The following APBA2 variants were observed in gnomAD, a reference collection of about 807,000 sequenced individuals.
APBA2 encodes the protein amyloid beta precursor protein binding family A member 2.
A neutral mutation model predicts 75.0 loss-of-function variants in APBA2; 30 were observed. The ratio of observed to expected loss-of-function variants is 0.40; its 90% CI spans 0.30 to 0.54. APBA2 has a LOEUF of 0.54. Ranked by LOEUF, APBA2 falls within the 20% of genes least tolerant of loss-of-function variation. The pLI, the probability that APBA2 is intolerant of heterozygous loss-of-function variation, is 0.49. For missense variants in APBA2, 801 were observed against 1,016.1 expected (o/e 0.79, Z 2.88); for synonymous variants, 444 against 409.6 (o/e 1.08, Z -1.01).
intron 2 of APBA2, among the ~76,000 whole-genome samples, chr15:28,935,239 C>T (rs560327946): frequency 1.0e-3 from 159 of 152,310 alleles, no homozygotes; most frequent in Non-Finnish European, 1.9e-3. Flanking sequence ...CCCTTGGGGC[C>T]CCTTCCATCC....
intron 3 of APBA2, among the ~76,000 whole-genome samples, chr15:29,026,290 C>T (rs541793703): frequency 6.6e-6 from 1 of 152,336 alleles, no homozygotes; most frequent in South Asian, 2.1e-4. Flanking sequence ...ATCTGCCATA[C>T]AGGGTCCTTC....
intron 4 of APBA2, among the ~76,000 whole-genome samples, chr15:29,063,666 G>T (rs1456776126): frequency 7.2e-6 from 1 of 139,384 alleles, no homozygotes; most frequent in Non-Finnish European, 1.5e-5. Flanking sequence ...AGTTGATCTG[G>T]GTCAGTGTCT....
In APBA2 at chr15:29,110,319, G is replaced by A. The variant is rs537032111; in HGVS notation, c.2037+1930G>A. Among the ~76,000 whole-genome samples the A allele has an allele frequency of 3.4e-3, 511 of 152,272 alleles. 1 individual carries two copies. The highest frequency in any genetic ancestry group is 0.01 in the Middle Eastern group (3 of 294). On this transcript the variant is annotated intron_variant, in intron 13 of 14. Coordinates refer to ENST00000683413, the MANE Select transcript of APBA2 (RefSeq NM_001353788.2). ...TGGGGTGCTGTATGGTGTCCCCTGG[G>A]CTGCCCCTGCCTGGCTAAACCTGGT...
chr15:28,954,322 T>C lies in APBA2; in HGVS notation c.-95+32573T>C, dbSNP rs376093068. 2.6e-5 allele frequency among the ~76,000 whole-genome samples: 4 copies of C among 152,240 alleles called. No individual in the cohort carries two copies. In the East Asian group the frequency reaches 5.8e-4, roughly 22 times the overall value. ...ATACAAACTTAAATGAGAATGCTCCTCCGACCAGAGCTCTCCGTTCCCTGG... is the reference window on the plus strand; with the variant it reads ...ATACAAACTTAAATGAGAATGCTCCCCCGACCAGAGCTCTCCGTTCCCTGG... On this transcript the variant is annotated intron_variant, in intron 2 of 14. Coordinates refer to ENST00000683413, the MANE Select transcript of APBA2 (RefSeq NM_001353788.2).
At chr15:29,066,340 T>C (rs1222423482) in intron 4 of APBA2, among the ~76,000 whole-genome samples, 1 of 151,966 alleles carries the variant, frequency 6.6e-6, no homozygotes, top group African/African-American at 2.4e-5. Context: ...AGCGAGAAAG[T>C]ACAAAAGAAA....
chr15:29,074,514 A>G lies in APBA2; in HGVS notation c.952-407A>G, dbSNP rs75779575. Among the ~76,000 whole-genome samples, 667 of 152,308 alleles carry G rather than the reference A, an allele frequency of 4.4e-3. 6 individuals carry two copies. Among genetic ancestry groups the G allele is most frequent in the African/African-American group, 0.015 (620 of 41,576 alleles). The stretch of plus-strand genomic sequence containing the variant: ...GCTCAGGTTGGGGTTGGGGTTGGGC[A>G]TATTGAGGAGTTTGTTTAATGGGTA... On this transcript the variant is annotated intron_variant, in intron 4 of 14. Transcript: ENST00000683413.
intron 2 of APBA2, among the ~76,000 whole-genome samples, chr15:28,989,927 C>T (rs1270251930): frequency 6.6e-6 from 1 of 152,172 alleles, no homozygotes; most frequent in African/African-American, 2.4e-5. Context: ...ACACTGTTCC[C>T]TGATTTCTCA....
At chr15:28,903,328 G>A (rs555624350) in intron 1 of APBA2, among the ~76,000 whole-genome samples, 3 of 152,320 alleles carry the variant, frequency 2.0e-5, no homozygotes, top group South Asian at 2.1e-4. Flanking sequence ...GCGGTTGACC[G>A]TCCAGTGAGG....
At chr15:28,953,154 G>A (rs532816745) in intron 2 of APBA2, among the ~76,000 whole-genome samples, 4 of 152,234 alleles carry the variant, frequency 2.6e-5, no homozygotes, top group Non-Finnish European at 5.9e-5. Flanking sequence ...GGCTGGTTGA[G>A]ACTCCCACCC....
At chr15:28,905,550 T>C (rs1309951222) in intron 1 of APBA2, among the ~76,000 whole-genome samples, 1 of 152,228 alleles carries the variant, frequency 6.6e-6, no homozygotes, top group Non-Finnish European at 1.5e-5. Flanking sequence ...ATCTGCCATC[T>C]GTAGTTTTTG....
chr15:29,066,107 C>G (rs996203371), intron 4 of APBA2, among the ~76,000 whole-genome samples: 1 of 152,148 alleles, frequency 6.6e-6, no homozygotes, highest in African/African-American at 2.4e-5. Context: ...CTGTCTGCCC[C>G]CTCTGATTCA....
At chr15:28,998,685 C>T (rs1370703425) in intron 3 of APBA2, among the ~76,000 whole-genome samples, 3 of 152,102 alleles carry the variant, frequency 2.0e-5, no homozygotes, top group Non-Finnish European at 4.4e-5. Flanking sequence ...GACAGGGTAG[C>T]AAGGCTAGGA....
intron 2 of APBA2, among the ~76,000 whole-genome samples, chr15:28,985,397 C>A (rs920599888): frequency 3.9e-5 from 6 of 152,170 alleles, no homozygotes; most frequent in East Asian, 1.9e-4. Context: ...TTTTCGTGGT[C>A]ATTTTCCTAA....
intron 6 of APBA2, among the ~76,000 whole-genome samples, chr15:29,091,120 G>A (rs971832522): frequency 7.2e-5 from 11 of 152,162 alleles, no homozygotes; most frequent in Admixed American, 2.0e-4. Context: ...CTCCCCTGGT[G>A]CCACCCCTGA....
chr15:29,098,025 G>A (rs1041242740), intron 8 of APBA2, among the ~76,000 whole-genome samples: 9 of 152,120 alleles, frequency 5.9e-5, no homozygotes, highest in Non-Finnish European at 7.4e-5. Flanking sequence ...GTGTGTCTGC[G>A]CGCCACATTT....
intron 3 of APBA2, among the ~76,000 whole-genome samples, chr15:29,042,865 C>G (rs1446838485): frequency 1.3e-5 from 2 of 152,090 alleles, no homozygotes; most frequent in Admixed American, 6.5e-5. Flanking sequence ...GTCCTGGCAG[C>G]TGCAGAAGCT....
chr15:29,094,283 G>A lies in APBA2; in HGVS notation c.1221G>A (p.Met407Ile), dbSNP rs2043735272. 1 of 1,614,216 alleles carries A rather than the reference G, an allele frequency of 6.2e-7. No homozygotes were observed. The highest frequency in any genetic ancestry group is 8.5e-7 in the Non-Finnish European group (1 of 1,180,020). ...TTTCTCTTCCATGCTGTCAGAGGAT[G>A]CAAAAGGCTGCTAAGATCAAGAAAA... ...AQEAVSRVKR[M>I]QKAAKIKKKA... is the part of the protein sequence containing the mutation. The change falls in exon 8 of 15, where the codon ATG becomes ATA. Residue 407 changes from methionine to isoleucine, a missense_variant. Transcript: ENST00000683413.
chr15:28,933,763 C>T (rs2034691890), intron 2 of APBA2, among the ~76,000 whole-genome samples: 1 of 152,232 alleles, frequency 6.6e-6, no homozygotes, highest in East Asian at 1.9e-4. Context: ...ACCTCTATCC[C>T]CTCTGCCTTG....
intron 1 of APBA2, among the ~76,000 whole-genome samples, chr15:28,914,626 T>G (rs1310179803): frequency 6.6e-6 from 1 of 152,042 alleles, no homozygotes; most frequent in African/African-American, 2.4e-5. Flanking sequence ...CATAAGGGAC[T>G]GGTCCTGCCC....
Sources: allele counts gnomAD v4.1 joint callset (sites outside exome capture counted in the v4.1 genomes callset), GRCh38; gene constraint gnomAD v4.1.1; transcripts MANE v1.5; gene names NCBI Gene and HGNC (gene_info 2026-07-23, HGNC 2026-07-21).